Variants in EHMT1 observed in about 807,000 individuals in gnomAD.
The protein encoded by EHMT1 is euchromatic histone lysine methyltransferase 1.
In EHMT1, 15 loss-of-function variants were observed where a neutral mutation model predicts 147.2. The observed-to-expected ratio is 0.10, with a 90% CI of 0.07 to 0.16. EHMT1 has a LOEUF of 0.16. EHMT1 is among the 10% of genes least tolerant of loss of function. EHMT1 has a pLI of 1.00. For synonymous variants in EHMT1, 795 were observed against 709.6 expected, an observed-to-expected ratio of 1.12 and a Z score of -1.91; for missense variants, 1,587 against 1,772.4, an observed-to-expected ratio of 0.90 and a Z score of 1.88.
At chr9:137,791,953 G>A (rs1180525188) in intron 16 of EHMT1, 3 of 368,554 alleles carry the variant, frequency 8.1e-6, no homozygotes, top group South Asian at 2.1e-5. Context: ...AGCTGGTCTC[G>A]AACTCCTGAC....
intron 6 of EHMT1, chr9:137,748,102 G>A (rs577524188): frequency 6.6e-6 from 1 of 152,172 alleles, no homozygotes; most frequent in East Asian, 1.9e-4. Flanking sequence ...GGCATTCTGA[G>A]ACCTGTTGGG....
intron 1 of EHMT1, among the ~76,000 whole-genome samples, chr9:137,633,369 G>A (rs1255171792): frequency 6.7e-6 from 1 of 148,246 alleles, no homozygotes; most frequent in African/African-American, 2.5e-5. Context: ...CAGAATTTTT[G>A]GGGGGATAAC....
chr9:137,632,350 G>A (rs1843689113), intron 1 of EHMT1, among the ~76,000 whole-genome samples: 1 of 152,234 alleles, frequency 6.6e-6, no homozygotes, highest in Admixed American at 6.5e-5. Context: ...AAAGGTGCAG[G>A]TGGGAGTAAG....
rs573774002 is a variant in EHMT1, at chr9:137,811,547, C to G, written c.2799C>G (p.His933Gln). The G allele has an allele frequency of 6.2e-7, 1 of 1,609,584 alleles. No individual in the cohort carries two copies. The highest frequency in any genetic ancestry group is 8.5e-7 in the Non-Finnish European group (1 of 1,179,992). The change falls in exon 19 of 27, where the codon CAC becomes CAG. Residue 933 changes from histidine to glutamine, a missense_variant. Around this residue, in one of 7 missense-constraint regions of EHMT1, gnomAD observed 201 missense variants for 350.1 expected, o/e 0.57. Coordinates refer to ENST00000460843, the MANE Select transcript of EHMT1 (RefSeq NM_024757.5). ...EILLAAKCDL[H>Q]AVNIHGDSPL... ...TGCTGGCTGCCAAGTGCGACCTCCA[C>G]GCCGTGAACATCCACGGAGACTCGC...
intron 16 of EHMT1, 110 bp from the exon 17 acceptor site, chr9:137,798,703 A>G (rs1953173683): frequency 1.1e-6 from 1 of 891,632 alleles, no homozygotes; most frequent in South Asian, 1.3e-5. Flanking sequence ...TGAGCAGGAC[A>G]GTACCCCACC....
intron 18 of EHMT1, among the ~76,000 whole-genome samples, chr9:137,804,284 C>G (rs1237434372): frequency 6.6e-6 from 1 of 152,240 alleles, no homozygotes; most frequent in African/African-American, 2.4e-5. Flanking sequence ...CAACACTTAG[C>G]ATGGTCAGTC....
chr9:137,766,623 A>T (rs910341847), intron 10 of EHMT1, among the ~76,000 whole-genome samples: 1 of 152,176 alleles, frequency 6.6e-6, no homozygotes, highest in Non-Finnish European at 1.5e-5. Context: ...ACAAAAACAA[A>T]AACAAAAACA....
intron 25 of EHMT1, among the ~76,000 whole-genome samples, chr9:137,830,587 A>G (rs899202822): frequency 2.6e-5 from 4 of 152,182 alleles, no homozygotes; most frequent in Non-Finnish European, 4.4e-5. Context: ...GATATTACCG[A>G]TAACAGTAAG....
chr9:137,699,883 G>A (rs1943697465), intron 1 of EHMT1, among the ~76,000 whole-genome samples: 1 of 152,186 alleles, frequency 6.6e-6, no homozygotes, highest in Admixed American at 6.5e-5. Flanking sequence ...TGTATATGCT[G>A]CCTTTGTTTT....
intron 22 of EHMT1, chr9:137,814,772 C>T (rs1258392744): frequency 2.9e-5 from 17 of 591,068 alleles, no homozygotes; most frequent in South Asian, 7.8e-5. Flanking sequence ...GGGTGGGCAG[C>T]GTCAGCCTGG....
At chr9:137,766,415 G>A (rs1325422208) in intron 10 of EHMT1, among the ~76,000 whole-genome samples, 1 of 152,180 alleles carries the variant, frequency 6.6e-6, no homozygotes, top group African/African-American at 2.4e-5. Context: ...AGGAGTTTGA[G>A]ACCATCGTGG....
intron 1 of EHMT1, among the ~76,000 whole-genome samples, chr9:137,660,443 G>T (rs2134070714): frequency 6.6e-6 from 1 of 152,232 alleles, no homozygotes; most frequent in South Asian, 2.1e-4. Context: ...GTATCCCACA[G>T]TTCAAATGTG....
chr9:137,628,475 G>T (rs1843408534), intron 1 of EHMT1, among the ~76,000 whole-genome samples: 1 of 152,156 alleles, frequency 6.6e-6, no homozygotes, highest in African/African-American at 2.4e-5. Context: ...TAGAGATGGA[G>T]TCTCACTGTG....
chr9:137,810,596 A>C (rs1159295733), intron 18 of EHMT1, among the ~76,000 whole-genome samples: 1 of 152,130 alleles, frequency 6.6e-6, no homozygotes, highest in African/African-American at 2.4e-5. Flanking sequence ...ACAGTGTTCT[A>C]ATTTACTGTG....
At chr9:137,675,014 T>G (rs1941101420) in intron 1 of EHMT1, 1 of 152,228 alleles carries the variant, frequency 6.6e-6, no homozygotes, top group Non-Finnish European at 1.5e-5. Flanking sequence ...GCATATTCTT[T>G]TTTATTTTTA....
At chr9:137,694,179 A>G (rs1436520488) in intron 1 of EHMT1, among the ~76,000 whole-genome samples, 1 of 123,870 alleles carries the variant, frequency 8.1e-6, no homozygotes, top group Non-Finnish European at 1.7e-5. Context: ...ACGCTGGCCG[A>G]TACCCACCAG....
intron 1 of EHMT1, among the ~76,000 whole-genome samples, chr9:137,669,183 G>C (rs1329639679): frequency 2.0e-5 from 3 of 152,080 alleles, no homozygotes; most frequent in African/African-American, 7.2e-5. Context: ...CACTGTTCCC[G>C]GCCTAGAAGT....
rs772558779 is a variant in EHMT1 at position 137,743,371 on chromosome 9, C to A, written c.824C>A (p.Ala275Asp). The A allele has an allele frequency of 6.6e-7, 1 of 1,518,874 alleles. No homozygotes were observed. The allele number at this position is 1,518,874 out of a possible 1,614,324, so 94.1% of individuals were successfully genotyped here. The part of the protein sequence containing the change: ...CYMATTKSQT[A>D]CLPFVLAAAV... The stretch of plus-strand genomic sequence containing the variant: ...TTTTGACTTTTTTTTTTTTTTTTAG[C>A]TTGCTTGCCTTTTGTTTTAGCAGCT... The change falls in exon 5 of 27, where the codon GCT becomes GAT. Residue 275 changes from alanine to aspartate, a missense_variant and splice_region_variant. Ala to Asp is a moderately radical substitution (Grantham distance 126). Around this residue, in one of 7 missense-constraint regions of EHMT1, gnomAD observed 810 missense variants for 673.0 expected, o/e 1.20. Transcript: ENST00000460843.
At chr9:137,649,455 G>A (rs1184708621) in intron 1 of EHMT1, among the ~76,000 whole-genome samples, 1 of 134,644 alleles carries the variant, frequency 7.4e-6, no homozygotes, top group South Asian at 2.5e-4. Flanking sequence ...GCGAGACTCC[G>A]ACTCAAACAA....
Sources: gnomAD v4.1 joint callset for allele counts (sites outside exome capture counted in the v4.1 genomes callset) on GRCh38, gnomAD v4.1.1 for gene constraint, gnomAD v4.1.1 regional missense constraint, MANE v1.5 for transcripts, NCBI Gene and HGNC (gene_info 2026-07-23, HGNC 2026-07-21) for gene names.